The following PIGU variants were observed in gnomAD, a reference collection of about 807,000 sequenced individuals.
PIGU encodes the protein GPI-anchor transamidase component PIGU.
In PIGU, 24 loss-of-function variants were observed where a neutral mutation model predicts 49.9. The ratio of observed to expected loss-of-function variants is 0.48; its 90% CI spans 0.35 to 0.68. The LOEUF (loss-of-function observed/expected upper bound fraction) is 0.68. PIGU is among the 30% of genes least tolerant of loss of function. The probability of loss-of-function intolerance (pLI) is 0.01; values close to 1 mark genes in which losing one functional copy is unlikely to be tolerated. For synonymous variants in PIGU, 220 were observed against 205.7 expected, an observed-to-expected ratio of 1.07 and a Z score of -0.59; for missense variants, 490 against 532.6, an observed-to-expected ratio of 0.92 and a Z score of 0.79.
chr20:34,670,929 C>T lies in PIGU; in HGVS notation c.130+6027G>A, dbSNP rs75681466. 1.6e-4 allele frequency among the ~76,000 whole-genome samples: 25 copies of T among 152,282 alleles called. No homozygotes were observed. In the East Asian group the frequency reaches 4.6e-3, roughly 28 times the overall value. On this transcript the variant is annotated intron_variant, in intron 1 of 11. Coordinates refer to ENST00000217446, the MANE Select transcript of PIGU (RefSeq NM_080476.5). ...TCTACCCTGAACTCAAAAAGCTAAG[C>T]CTATACGAACTGTCAATCTTTGGGT...
intron 7 of PIGU, among the ~76,000 whole-genome samples, chr20:34,592,049 G>A (rs546652598): frequency 2.0e-5 from 3 of 152,076 alleles, no homozygotes; most frequent in South Asian, 2.1e-4. Context: ...TTAGCCGGGC[G>A]TGGTGGTTGG....
At chr20:34,602,883 G>A (rs1984478896) in intron 7 of PIGU, among the ~76,000 whole-genome samples, 1 of 152,088 alleles carries the variant, frequency 6.6e-6, no homozygotes, top group Admixed American at 6.5e-5. Context: ...CCTGGCTTTG[G>A]TAATAATCAC....
intron 11 of PIGU, among the ~76,000 whole-genome samples, chr20:34,573,923 G>C (rs117303922): frequency 6.6e-6 from 1 of 152,356 alleles, no homozygotes; most frequent in Non-Finnish European, 1.5e-5. Context: ...TGTCCATGCA[G>C]GAAACACCAG....
At chr20:34,625,456 G>C (rs1168150030) in intron 6 of PIGU, among the ~76,000 whole-genome samples, 1 of 150,906 alleles carries the variant, frequency 6.6e-6, no homozygotes, top group East Asian at 1.9e-4. Flanking sequence ...ACAGGAACAA[G>C]TATTATCCTT....
intron 1 of PIGU, among the ~76,000 whole-genome samples, chr20:34,659,552 A>G (rs1324318839): frequency 2.0e-5 from 3 of 152,228 alleles, no homozygotes; most frequent in Non-Finnish European, 2.9e-5. Context: ...TTGGAGGTGT[A>G]CCCAACAGCT....
intron 7 of PIGU, among the ~76,000 whole-genome samples, chr20:34,615,289 A>G (rs995397826): frequency 1.3e-5 from 2 of 152,196 alleles, no homozygotes; most frequent in Non-Finnish European, 2.9e-5. Flanking sequence ...GCATTCTTCA[A>G]TTAATGTTTA....
At chr20:34,676,708 G>A (rs1253846038) in intron 1 of PIGU, among the ~76,000 whole-genome samples, 1 of 151,962 alleles carries the variant, frequency 6.6e-6, no homozygotes, top group African/African-American at 2.4e-5. Flanking sequence ...CGCCCCCTCA[G>A]ATCCCCACCA....
intron 4 of PIGU, among the ~76,000 whole-genome samples, chr20:34,642,643 T>C (rs939460218): frequency 8.0e-6 from 1 of 125,504 alleles, no homozygotes; most frequent in African/African-American, 3.2e-5. Flanking sequence ...ATCACACATA[T>C]ATATATCTCA....
chr20:34,565,401 C>T (rs1260379801), intron 11 of PIGU, among the ~76,000 whole-genome samples: 1 of 151,998 alleles, frequency 6.6e-6, no homozygotes, highest in African/African-American at 2.4e-5. Context: ...TACAAGCGTG[C>T]GCCACCACCC....
chr20:34,644,216 G>A lies in PIGU; in HGVS notation c.266C>T (p.Ala89Val), dbSNP rs1986259093. Residue 89 changes from alanine to valine, a missense_variant, in exon 4 of 12, where the codon GCA becomes GTA. Ala to Val is a moderately conservative substitution (Grantham distance 64). Coordinates refer to ENST00000217446, the MANE Select transcript of PIGU (RefSeq NM_080476.5). ...AAAATACAGGGCAATAGCAGTGAGT[G>A]CATCAGTTATCTGTCAAAAGAAAGA... ...YAELVFMITD[A>V]LTAIALYFAI... is the part of the protein sequence containing the mutation. 6.2e-7 allele frequency: 1 copy of A among 1,606,282 alleles called. No homozygotes were observed.
chr20:34,656,876 T>G (rs986478237), intron 2 of PIGU, among the ~76,000 whole-genome samples: 1 of 152,168 alleles, frequency 6.6e-6, no homozygotes, highest in African/African-American at 2.4e-5. Context: ...AACAACAAAT[T>G]ACATGCTAAT....
chr20:34,655,618 G>A (rs1442575464), intron 2 of PIGU, among the ~76,000 whole-genome samples: 1 of 119,222 alleles, frequency 8.4e-6, no homozygotes, highest in African/African-American at 3.1e-5. Context: ...AGCTTGCAGT[G>A]AGCCAAGATC....
rs530074671 is a variant in PIGU at position 34,655,668 on chromosome 20, T to C, written c.195+1512A>G. The stretch of plus-strand genomic sequence containing the variant: ...CAGCCTGGGTGACAGAGCAAGACTC[T>C]GTCTCAAAAAAATAAAAAAGAATGG... On this transcript the variant is annotated intron_variant, in intron 2 of 11. Transcript: ENST00000217446. Among the ~76,000 whole-genome samples the C allele has an allele frequency of 2.5e-5, 3 of 120,526 alleles. 1 individual carries two copies. Among genetic ancestry groups the C allele is most frequent in the Non-Finnish European group, 3.5e-5 (2 of 56,386 alleles). The allele number at this position is 120,526 out of a possible 152,430, so 79.1% of individuals were successfully genotyped here. A position where few individuals can be genotyped will look rare whatever the true frequency, so the allele number is the denominator to read the frequency against.
intron 1 of PIGU, among the ~76,000 whole-genome samples, chr20:34,672,689 C>T (rs1987343888): frequency 1.3e-5 from 2 of 151,380 alleles, no homozygotes; most frequent in Non-Finnish European, 2.9e-5. Context: ...CCCATCTCTA[C>T]AAAAAACAAT....
rs553585240 is a variant in PIGU at position 34,669,682 on chromosome 20, A to G, written c.130+7274T>C. 2.1e-3 allele frequency among the ~76,000 whole-genome samples: 312 copies of G among 151,230 alleles called. 1 individual carries two copies. Among genetic ancestry groups the G allele is most frequent in the African/African-American group, 5.7e-3 (236 of 41,238 alleles). On this transcript the variant is annotated intron_variant, in intron 1 of 11. Coordinates refer to ENST00000217446, the MANE Select transcript of PIGU (RefSeq NM_080476.5). ...ACTCTGGCTGAAAAAAAAAAAAAAA[A>G]GTAAAAAACAAAAAACAGTGGTATC...
chr20:34,646,604 T>C (rs1390547495), intron 2 of PIGU, among the ~76,000 whole-genome samples: 2 of 151,258 alleles, frequency 1.3e-5, no homozygotes, highest in African/African-American at 4.9e-5. Flanking sequence ...AGACTGGGTT[T>C]CACCATGTTG....
At chr20:34,641,264 A>G (rs184766024) in intron 4 of PIGU, among the ~76,000 whole-genome samples, 1 of 152,268 alleles carries the variant, frequency 6.6e-6, no homozygotes, top group Admixed American at 6.5e-5. Flanking sequence ...GTTCATTTGC[A>G]TCCCCAAAAA....
chr20:34,624,017 A>G (rs1985354684), intron 6 of PIGU, among the ~76,000 whole-genome samples: 1 of 152,130 alleles, frequency 6.6e-6, no homozygotes, highest in Non-Finnish European at 1.5e-5. Context: ...AGAGAACCTC[A>G]TTGAAACCTC....
At chr20:34,601,718 A>G (rs1290585306) in intron 7 of PIGU, among the ~76,000 whole-genome samples, 1 of 152,236 alleles carries the variant, frequency 6.6e-6, no homozygotes, top group Non-Finnish European at 1.5e-5. Flanking sequence ...ACTTGTGTCA[A>G]TGAGCTTTCT....
Sources: allele counts gnomAD v4.1 joint callset (sites outside exome capture counted in the v4.1 genomes callset), GRCh38; gene constraint gnomAD v4.1.1; transcripts MANE v1.5; gene names NCBI Gene and HGNC (gene_info 2026-07-23, HGNC 2026-07-21).